Variants in STK35 observed in about 807,000 individuals in gnomAD.
STK35 encodes the protein serine/threonine kinase 35.
Under a neutral mutation model 37.3 loss-of-function variants are expected in STK35, and 17 were observed. The ratio of observed to expected loss-of-function variants is 0.46; its 90% CI spans 0.31 to 0.68. The LOEUF (loss-of-function observed/expected upper bound fraction) is 0.68, where lower values mean the gene tolerates loss of function less well. STK35 is among the 30% of genes least tolerant of loss of function. The pLI, the probability that STK35 is intolerant of heterozygous loss-of-function variation, is 0.05. For missense variants in STK35, 595 were observed against 746.7 expected (o/e 0.80, Z 2.37); for synonymous variants, 385 against 319.1 (o/e 1.21, Z -2.20).
chr20:2,126,947 C>G (rs1053286008), intron 3 of STK35, among the ~76,000 whole-genome samples: 5 of 152,144 alleles, frequency 3.3e-5, no homozygotes, highest in African/African-American at 1.2e-4. Flanking sequence ...CCCAGGCACT[C>G]CATAGGCCAT....
In STK35 at chr20:2,144,042, C is replaced by T. The variant is rs536754482; in HGVS notation, c.*296C>T. ...AGGACACAATGCTGTGGACAGGCAC[C>T]AATTTCTTTAAAGAAATTCAATGTG... On this transcript the variant is annotated 3_prime_UTR_variant, in exon 4 of 4. Coordinates refer to ENST00000381482, the MANE Select transcript of STK35 (RefSeq NM_080836.4). 4.0e-4 allele frequency: 143 copies of T among 360,286 alleles called. No individual in the cohort carries two copies. Among genetic ancestry groups the T allele is most frequent in the African/African-American group, 2.8e-3 (130 of 45,704 alleles). The allele number at this position is 360,286 out of a possible 1,614,324, so 22.3% of individuals were successfully genotyped here.
Position 2,144,224 on chromosome 20 carries a change from T to C in STK35, c.*478T>C, listed in dbSNP as rs1329652490. ...TCCCTAGAGAAGGCCTGCCTCCCCA[T>C]AGGGAATCTGGGGGTTTCTTCTGGA... On this transcript the variant is annotated 3_prime_UTR_variant, in exon 4 of 4. Coordinates refer to ENST00000381482, the MANE Select transcript of STK35 (RefSeq NM_080836.4). 1.5e-5 allele frequency: 4 copies of C among 259,664 alleles called. No individual in the cohort carries two copies. Among genetic ancestry groups the C allele is most frequent in the South Asian group, 3.6e-5 (1 of 27,796 alleles). 16.1% of individuals were successfully genotyped at this position (259,664 alleles called of 1,614,324 possible).
At chr20:2,112,052 A>G (rs969884897) in intron 2 of STK35, among the ~76,000 whole-genome samples, 3 of 152,238 alleles carry the variant, frequency 2.0e-5, no homozygotes, top group African/African-American at 4.8e-5. Context: ...GATGCCCCTC[A>G]GCTCACCGCA....
intron 1 of STK35, 64 bp from the exon 2 acceptor site, chr20:2,102,704 C>G: frequency 3.8e-6 from 5 of 1,300,762 alleles, no homozygotes; most frequent in African/African-American, 1.5e-5. Flanking sequence ...TGGGACGCCC[C>G]GCGGCCTACG....
intron 2 of STK35, among the ~76,000 whole-genome samples, chr20:2,109,835 G>T (rs1004898482): frequency 6.6e-6 from 1 of 152,234 alleles, no homozygotes; most frequent in African/African-American, 2.4e-5. Flanking sequence ...ATTTGCCCAG[G>T]ATCATATAGC....
chr20:2,113,873 A>G (rs1985665661), intron 2 of STK35, among the ~76,000 whole-genome samples: 1 of 152,184 alleles, frequency 6.6e-6, no homozygotes, highest in South Asian at 2.1e-4. Context: ...TACCAAAAAG[A>G]CTGAGGCTCA....
intron 3 of STK35, among the ~76,000 whole-genome samples, chr20:2,128,657 A>G (rs1367616007): frequency 6.6e-6 from 1 of 152,196 alleles, no homozygotes; most frequent in African/African-American, 2.4e-5. Flanking sequence ...CTTCTGAGCC[A>G]TAATAATGAT....
At chr20:2,102,641 A>C (rs903143030) in intron 1 of STK35, 127 bp from the exon 2 acceptor site, 1 of 842,924 alleles carries the variant, frequency 1.2e-6, no homozygotes, top group East Asian at 3.3e-5. Context: ...CCGTTCAATC[A>C]GCGGCGGTGG....
At chr20:2,139,523 A>G (rs1258068065) in intron 3 of STK35, among the ~76,000 whole-genome samples, 1 of 152,216 alleles carries the variant, frequency 6.6e-6, no homozygotes, top group Non-Finnish European at 1.5e-5. Flanking sequence ...TGTCAAAAGC[A>G]GGGGATTTGG....
At position 2,146,492 on chromosome 20, in the gene STK35, G is replaced by C. The variant is rs1194218913; in HGVS notation, c.*2746G>C. On this transcript the variant is annotated 3_prime_UTR_variant, in exon 4 of 4. Transcript: ENST00000381482. ...TCTGTGGCAAGGATAGCCCTTTGGA[G>C]GGGGACTCTTGACCTCGGCTGTTAG... 1 of 152,806 alleles carries C rather than the reference G, an allele frequency of 6.5e-6. No homozygotes were observed. The highest frequency in any genetic ancestry group is 2.4e-5 in the African/African-American group (1 of 41,458). The allele number at this position is 152,806 out of a possible 1,614,324, so 9.5% of individuals were successfully genotyped here.
intron 2 of STK35, 139 bp from the exon 3 acceptor site, chr20:2,116,527 C>G: frequency 3.2e-6 from 3 of 939,472 alleles, no homozygotes; most frequent in Non-Finnish European, 4.8e-6. Flanking sequence ...TAGAAAGGCA[C>G]TCAGTGCCAG....
intron 3 of STK35, among the ~76,000 whole-genome samples, chr20:2,135,050 T>C (rs1986062862): frequency 6.6e-6 from 1 of 152,078 alleles, no homozygotes; most frequent in African/African-American, 2.4e-5. Flanking sequence ...AAATGAAGTC[T>C]CCAGAGGGGG....
intron 2 of STK35, among the ~76,000 whole-genome samples, chr20:2,113,455 A>G (rs1164186633): frequency 6.6e-6 from 1 of 152,216 alleles, no homozygotes; most frequent in Non-Finnish European, 1.5e-5. Flanking sequence ...CTTAAGGTGC[A>G]CATTTCAATT....
chr20:2,130,250 C>T (rs1001651176), intron 3 of STK35, among the ~76,000 whole-genome samples: 65 of 152,248 alleles, frequency 4.3e-4, no homozygotes, highest in African/African-American at 1.4e-3. Flanking sequence ...TCTGGGTCTT[C>T]TGAGAGGACT....
intron 3 of STK35, among the ~76,000 whole-genome samples, chr20:2,129,578 C>T (rs1205929345): frequency 6.6e-6 from 1 of 152,108 alleles, no homozygotes; most frequent in Non-Finnish European, 1.5e-5. Flanking sequence ...GTGTTGGGCA[C>T]TGTAGTGGGT....
chr20:2,102,118 C>T lies in STK35; in HGVS notation c.237C>T (p.Pro79=). 1.4e-6 allele frequency: 2 copies of T among 1,431,342 alleles called. No homozygotes were observed. Among genetic ancestry groups the T allele is most frequent in the Non-Finnish European group, 9.2e-7 (1 of 1,090,360 alleles). 88.7% of individuals were successfully genotyped at this position (1,431,342 alleles called of 1,614,324 possible). A position where few individuals can be genotyped will look rare whatever the true frequency, so the allele number is the denominator to read the frequency against. The change falls in exon 1 of 4, where the codon CCC becomes CCT. Residue 79 remains proline (P), a synonymous_variant. Coordinates refer to ENST00000381482, the MANE Select transcript of STK35 (RefSeq NM_080836.4). The part of the protein sequence containing the change: ...RRQPGPGADH[P]QAGAPGGKRA... ...AGCCCGGGCCCGGAGCGGACCATCC[C>T]CAGGCAGGGGCTCCAGGGGGGAAAC...
intron 2 of STK35, among the ~76,000 whole-genome samples, chr20:2,113,163 C>T (rs937003437): frequency 2.6e-5 from 4 of 152,142 alleles, no homozygotes; most frequent in African/African-American, 4.8e-5. Flanking sequence ...ATTACTTTCC[C>T]TTCCTCAATG....
chr20:2,135,882 T>G (rs1600619995), intron 3 of STK35, among the ~76,000 whole-genome samples: 1 of 152,030 alleles, frequency 6.6e-6, no homozygotes, highest in Non-Finnish European at 1.5e-5. Flanking sequence ...GCACCTGTGG[T>G]CCCTACTCAG....
chr20:2,118,355 C>T (rs1032791079), intron 3 of STK35, among the ~76,000 whole-genome samples: 3 of 152,076 alleles, frequency 2.0e-5, no homozygotes, highest in Admixed American at 2.0e-4. Context: ...CCAAGGTGGG[C>T]GGATCACGAG....
Sources: allele counts gnomAD v4.1 joint callset (sites outside exome capture counted in the v4.1 genomes callset), GRCh38; gene constraint gnomAD v4.1.1; transcripts MANE v1.5; gene names NCBI Gene and HGNC (gene_info 2026-07-23, HGNC 2026-07-21).